MGAM2: variants seen among roughly 807,000 people sequenced by gnomAD.
MGAM2 encodes the protein maltase-glucoamylase 2 (putative).
MGAM2 carries 98 observed loss-of-function variants against 96.1 expected under a neutral mutation model. The observed-to-expected ratio is 1.02, with a 90% CI of 0.87 to 1.21. The LOEUF (loss-of-function observed/expected upper bound fraction) is 1.21. MGAM2 is among the 50% of genes most tolerant of loss of function. MGAM2 has a pLI of 0.00. For missense variants in MGAM2, 2,055 were observed against 1,182.4 expected (o/e 1.74, Z -10.82); for synonymous variants, 749 against 414.8 (o/e 1.81, Z -9.79).
At chr7:142,191,286 T>A (rs570396458) in intron 37 of MGAM2, among the ~76,000 whole-genome samples, 1 of 152,342 alleles carries the variant, frequency 6.6e-6, no homozygotes, top group Admixed American at 6.5e-5. Flanking sequence ...AAAGTTTTTA[T>A]AAAGTCCTAT....
At chr7:142,185,688 A>G (rs779871319) in intron 34 of MGAM2, among the ~76,000 whole-genome samples, 3 of 152,152 alleles carry the variant, frequency 2.0e-5, no homozygotes, top group East Asian at 1.9e-4. Flanking sequence ...AAGTATTTGC[A>G]TCTCTAAAGT....
intron 46 of MGAM2, among the ~76,000 whole-genome samples, chr7:142,211,746 G>A (rs1797589429): frequency 6.6e-6 from 1 of 152,172 alleles, no homozygotes; most frequent in Admixed American, 6.5e-5. Flanking sequence ...GAGGAGAATG[G>A]AACCAAGTTG....
At chr7:142,152,043 G>A (rs1191420691) in intron 15 of MGAM2, among the ~76,000 whole-genome samples, 1 of 151,318 alleles carries the variant, frequency 6.6e-6, no homozygotes, top group Non-Finnish European at 1.5e-5. Context: ...GCTGAAAGCC[G>A]AAGGAGACTA....
chr7:142,175,272 A>G (rs1235273640), intron 31 of MGAM2, among the ~76,000 whole-genome samples: 1 of 152,242 alleles, frequency 6.6e-6, no homozygotes, highest in Non-Finnish European at 1.5e-5. Context: ...AAAAAACCCC[A>G]GATATACAAT....
chr7:142,167,280 C>T lies in MGAM2; in HGVS notation c.2821C>T (p.Pro941Ser). The T allele has an allele frequency of 1.4e-6, 1 of 696,958 alleles. No individual in the cohort carries two copies. The highest frequency in any genetic ancestry group is 2.6e-6 in the Non-Finnish European group (1 of 381,594). 43.2% of individuals were successfully genotyped at this position (696,958 alleles called of 1,614,324 possible). ...RGCLWEDTST[P>S]GVPTCYYDTI... ...CCTGTTATTCCAGGACACATCTACT[C>T]CTGGAGTGCCCACCTGTTACTATGA... The change falls in exon 26 of 48, where the codon CCT becomes TCT. Residue 941 changes from proline to serine, a missense_variant. Coordinates refer to ENST00000477922, the MANE Select transcript of MGAM2 (RefSeq NM_001293626.2).
chr7:142,134,881 C>A (rs1241504753), intron 7 of MGAM2, among the ~76,000 whole-genome samples: 5 of 151,464 alleles, frequency 3.3e-5, no homozygotes, highest in Non-Finnish European at 5.9e-5. Context: ...ACCAAAAAAA[C>A]CTAAATTTTC....
intron 46 of MGAM2, 78 bp from the exon 47 acceptor site, chr7:142,218,283 T>A: frequency 4.1e-6 from 2 of 481,944 alleles, no homozygotes; most frequent in South Asian, 4.7e-5. Context: ...TAAATTTAGG[T>A]TTGTTAATAT....
chr7:142,177,746 A>G (rs999329250), intron 32 of MGAM2, among the ~76,000 whole-genome samples: 6 of 152,152 alleles, frequency 3.9e-5, no homozygotes, highest in Non-Finnish European at 8.8e-5. Context: ...TATATGTACC[A>G]TATTTTCTTT....
At chr7:142,175,619 G>A in intron 31 of MGAM2, 33 bp from the exon 32 acceptor site, 1 of 700,580 alleles carries the variant, frequency 1.4e-6, no homozygotes. Flanking sequence ...ACCTACTGCA[G>A]GGTTCCAAGA....
At chr7:142,155,399 C>T (rs1477017820) in intron 17 of MGAM2, among the ~76,000 whole-genome samples, 1 of 152,090 alleles carries the variant, frequency 6.6e-6, no homozygotes, top group Non-Finnish European at 1.5e-5. Flanking sequence ...CAAAGTCCCC[C>T]CTAAGGAGGT....
Position 142,154,752 on chromosome 7 carries a change from TAAC to T in MGAM2, c.1836_1838del (p.Asn613del). The T allele has an allele frequency of 2.8e-6, 2 of 703,310 alleles. No individual in the cohort carries two copies. The highest frequency in any genetic ancestry group is 5.2e-6 in the Non-Finnish European group (2 of 385,026). 43.6% of individuals were successfully genotyped at this position (703,310 alleles called of 1,614,324 possible). The stretch of plus-strand genomic sequence containing the variant: ...AGGTAGGTGCCAACATCTGTGGTTA[TAAC>T]AACAATGTCACAGAGGAGCTCTGCA... On this transcript the variant is annotated inframe_deletion, in exon 17 of 48. Transcript: ENST00000477922.
chr7:142,137,410 TA>T (rs760585000), intron 8 of MGAM2, 22 bp from the exon 9 acceptor site: 3 of 684,000 alleles, frequency 4.4e-6, no homozygotes, highest in Non-Finnish European at 8.0e-6. Flanking sequence ...AGATTCTAAT[TA>T]ATCTCATTAT....
At chr7:142,156,259 C>T (rs933100014) in intron 17 of MGAM2, among the ~76,000 whole-genome samples, 6 of 151,958 alleles carry the variant, frequency 3.9e-5, no homozygotes, top group Non-Finnish European at 8.8e-5. Context: ...TATTACATAG[C>T]ATTATCATTT....
At chr7:142,140,775 T>C (rs1290499729) in intron 10 of MGAM2, 27 bp from the exon 11 acceptor site, 1 of 697,086 alleles carries the variant, frequency 1.4e-6, no homozygotes, top group Non-Finnish European at 2.6e-6. Flanking sequence ...GTTTCCTAGG[T>C]TCTGATTGAC....
intron 45 of MGAM2, among the ~76,000 whole-genome samples, chr7:142,205,934 G>A (rs1797387163): frequency 6.6e-6 from 1 of 152,030 alleles, no homozygotes; most frequent in South Asian, 2.1e-4. Context: ...TTACATTTAG[G>A]TCTTTGATTC....
At chr7:142,207,565 A>G (rs1420208045) in intron 45 of MGAM2, among the ~76,000 whole-genome samples, 1 of 151,884 alleles carries the variant, frequency 6.6e-6, no homozygotes, top group African/African-American at 2.4e-5. Context: ...AGCTGGGACT[A>G]CAGGCGCCCA....
intron 15 of MGAM2, among the ~76,000 whole-genome samples, 178 bp downstream of exon 15, chr7:142,147,751 A>G (rs1385966965): frequency 6.6e-6 from 1 of 152,224 alleles, no homozygotes; most frequent in Non-Finnish European, 1.5e-5. Flanking sequence ...TGGTTTCTGT[A>G]CAGGATTATC....
chr7:142,166,175 C>T lies in MGAM2; in HGVS notation c.2730C>T (p.Asp910=). 1.4e-6 allele frequency: 1 copy of T among 702,454 alleles called. No individual in the cohort carries two copies. Among genetic ancestry groups the T allele is most frequent in the South Asian group, 1.5e-5 (1 of 67,484 alleles). 43.5% of individuals were successfully genotyped at this position (702,454 alleles called of 1,614,324 possible). ...TTAGGTGGAATCTTCCTGTCAGTGA[C>T]CTGGAGAAGTTCAACTGCTACCCTG... ...FSIRWNLPVS[D]LEKFNCYPDD... Residue 910 remains aspartate, a synonymous_variant, in exon 25 of 48, where the codon GAC becomes GAT. Coordinates refer to ENST00000477922, the MANE Select transcript of MGAM2 (RefSeq NM_001293626.2).
At chr7:142,155,873 C>T (rs937586757) in intron 17 of MGAM2, among the ~76,000 whole-genome samples, 15 of 152,180 alleles carry the variant, frequency 9.9e-5, no homozygotes, top group African/African-American at 3.6e-4. Context: ...AGGCTGGGCA[C>T]GGTGGCTCAC....
Sources: allele counts gnomAD v4.1 joint callset (sites outside exome capture counted in the v4.1 genomes callset), GRCh38; gene constraint gnomAD v4.1.1; transcripts MANE v1.5; gene names NCBI Gene and HGNC (gene_info 2026-07-23, HGNC 2026-07-21).